SLC10A7: variants seen among roughly 807,000 people sequenced by gnomAD.
SLC10A7 encodes the protein sodium/bile acid cotransporter 7.
Under a neutral mutation model 43.2 loss-of-function variants are expected in SLC10A7, and 29 were observed. The ratio of observed to expected loss-of-function variants is 0.67; its 90% CI spans 0.50 to 0.92. The LOEUF (loss-of-function observed/expected upper bound fraction) is 0.92, where lower values mean the gene tolerates loss of function less well. Among genes scored for constraint, SLC10A7 ranks in the 40% least tolerant of loss-of-function variants. SLC10A7 has a pLI of 0.00. For missense variants in SLC10A7, 295 were observed against 403.2 expected (o/e 0.73, Z 2.30); for synonymous variants, 152 against 144.8 (o/e 1.05, Z -0.35).
intron 4 of SLC10A7, among the ~76,000 whole-genome samples, chr4:146,448,568 A>T (rs997552633): frequency 2.7e-5 from 4 of 146,520 alleles, no homozygotes; most frequent in Admixed American, 6.7e-5. Flanking sequence ...GTTACTAAAT[A>T]AAAAAAAGGT....
At chr4:146,392,243 A>C (rs1738486650) in intron 5 of SLC10A7, among the ~76,000 whole-genome samples, 1 of 152,222 alleles carries the variant, frequency 6.6e-6, no homozygotes, top group African/African-American at 2.4e-5. Context: ...ATATGTTCCC[A>C]TTCTCACATG....
At position 146,489,729 on chromosome 4, in the gene SLC10A7, G is replaced by A. The variant is rs76404028; in HGVS notation, c.396+14120C>T. 6.6e-5 allele frequency among the ~76,000 whole-genome samples: 10 copies of A among 152,250 alleles called. No homozygotes were observed. In the East Asian group the frequency reaches 1.9e-3, roughly 29 times the overall value. ...TTCCTTCCAGAACAGAAATCAGAAA[G>A]TGCTTGCATTTCTTTACATCTCTAA... On this transcript the variant is annotated intron_variant, in intron 4 of 11. Coordinates refer to ENST00000335472, the MANE Select transcript of SLC10A7 (RefSeq NM_001029998.6).
intron 4 of SLC10A7, among the ~76,000 whole-genome samples, chr4:146,447,354 C>T (rs1041805557): frequency 3.3e-5 from 5 of 152,098 alleles, no homozygotes; most frequent in Admixed American, 6.6e-5. Flanking sequence ...AGCGATCCTC[C>T]CATCTCAGCC....
chr4:146,299,653 A>T (rs1731024182), intron 7 of SLC10A7, among the ~76,000 whole-genome samples: 1 of 152,192 alleles, frequency 6.6e-6, no homozygotes, highest in African/African-American at 2.4e-5. Context: ...TGCAATGGGC[A>T]AGTGGGAGAG....
At chr4:146,338,197 A>AAC (rs1734019815) in intron 5 of SLC10A7, among the ~76,000 whole-genome samples, 1 of 152,026 alleles carries the variant, frequency 6.6e-6, no homozygotes, top group Non-Finnish European at 1.5e-5. Context: ...TTTGATAAGA[A>AAC]ACACACACAC....
intron 5 of SLC10A7, among the ~76,000 whole-genome samples, chr4:146,333,434 T>C (rs910319949): frequency 7.2e-5 from 11 of 152,080 alleles, no homozygotes; most frequent in African/African-American, 2.7e-4. Flanking sequence ...ATGATAATGT[T>C]CAAAATGAAC....
chr4:146,521,543 C>T, intron 1 of SLC10A7, 75 bp downstream of exon 1: 1 of 1,283,290 alleles, frequency 7.8e-7, no homozygotes, highest in Non-Finnish European at 1.1e-6. Context: ...ATGAGGGTTG[C>T]CCCACCTTTC....
chr4:146,474,189 T>C (rs1256657475), intron 4 of SLC10A7, among the ~76,000 whole-genome samples: 1 of 151,764 alleles, frequency 6.6e-6, no homozygotes, highest in Non-Finnish European at 1.5e-5. Context: ...AGCTATTTAA[T>C]AGTCTCTAAA....
intron 5 of SLC10A7, among the ~76,000 whole-genome samples, chr4:146,336,126 AT>A (rs1318845735): frequency 6.6e-6 from 1 of 152,114 alleles, no homozygotes. Context: ...AGTAATAATT[AT>A]TTTAGCCTTT....
At chr4:146,507,780 A>G (rs549150232) in intron 3 of SLC10A7, among the ~76,000 whole-genome samples, 1 of 152,276 alleles carries the variant, frequency 6.6e-6, no homozygotes, top group Admixed American at 6.5e-5. Context: ...CAACTTAAAC[A>G]TGATTATGCA....
intron 10 of SLC10A7, among the ~76,000 whole-genome samples, chr4:146,265,564 T>G (rs773857704): frequency 2.6e-5 from 4 of 152,210 alleles, no homozygotes; most frequent in Admixed American, 1.3e-4. Context: ...TGCCATTATT[T>G]TCTTTTGTGT....
At chr4:146,504,979 CA>C (rs1230737776) in intron 3 of SLC10A7, among the ~76,000 whole-genome samples, 1 of 152,152 alleles carries the variant, frequency 6.6e-6, no homozygotes, top group African/African-American at 2.4e-5. Context: ...AAGTACTATA[CA>C]TTTTTTTAAT....
chr4:146,518,217 A>G (rs1198715164), intron 1 of SLC10A7, among the ~76,000 whole-genome samples: 1 of 152,214 alleles, frequency 6.6e-6, no homozygotes, highest in African/African-American at 2.4e-5. Flanking sequence ...CAAAAAATGC[A>G]GTCCTGAGAA....
chr4:146,362,137 G>T (rs1304024454), intron 5 of SLC10A7, among the ~76,000 whole-genome samples: 1 of 152,112 alleles, frequency 6.6e-6, no homozygotes, highest in Non-Finnish European at 1.5e-5. Flanking sequence ...AGAGTTATCG[G>T]CCTTAAGAGG....
At chr4:146,303,280 C>A (rs1578832380) in intron 7 of SLC10A7, among the ~76,000 whole-genome samples, 1 of 152,228 alleles carries the variant, frequency 6.6e-6, no homozygotes, top group African/African-American at 2.4e-5. Flanking sequence ...AAACTTCCTG[C>A]ATAAAAACCT....
chr4:146,513,242 T>C (rs1737646097), intron 2 of SLC10A7, among the ~76,000 whole-genome samples: 1 of 151,920 alleles, frequency 6.6e-6, no homozygotes, highest in African/African-American at 2.4e-5. Context: ...ATTTTTGTTA[T>C]ACTATATAAA....
intron 5 of SLC10A7, among the ~76,000 whole-genome samples, chr4:146,388,406 T>C (rs1738161302): frequency 6.6e-6 from 1 of 152,140 alleles, no homozygotes; most frequent in Non-Finnish European, 1.5e-5. Context: ...TCTCTCACCA[T>C]TTACAAAAAT....
chr4:146,384,827 G>A (rs1319946653), intron 5 of SLC10A7, among the ~76,000 whole-genome samples: 3 of 152,058 alleles, frequency 2.0e-5, no homozygotes, highest in Non-Finnish European at 4.4e-5. Flanking sequence ...TATCCATAAG[G>A]AGAGATAAGA....
At chr4:146,521,092 A>G (rs1272112380) in intron 1 of SLC10A7, among the ~76,000 whole-genome samples, 1 of 152,180 alleles carries the variant, frequency 6.6e-6, no homozygotes, top group East Asian at 1.9e-4. Flanking sequence ...GCAACGTGTC[A>G]GTCGGCTTGG....
Sources: allele counts gnomAD v4.1 joint callset (sites outside exome capture counted in the v4.1 genomes callset), GRCh38; gene constraint gnomAD v4.1.1; transcripts MANE v1.5; gene names NCBI Gene and HGNC (gene_info 2026-07-23, HGNC 2026-07-21).